Variants in CLEC2A observed in about 807,000 individuals in gnomAD.
CLEC2A encodes the protein keratinocyte-associated C-type lectin.
A neutral mutation model predicts 18.6 loss-of-function variants in CLEC2A; 19 were observed. The ratio of observed to expected loss-of-function variants is 1.02; its 90% CI spans 0.71 to 1.50. The LOEUF (loss-of-function observed/expected upper bound fraction) is 1.50. CLEC2A is among the 40% of genes most tolerant of loss of function. The probability of loss-of-function intolerance (pLI) is 0.00; values close to 1 mark genes in which losing one functional copy is unlikely to be tolerated. For missense variants in CLEC2A, 190 were observed against 207.9 expected (o/e 0.91, Z 0.53); for synonymous variants, 74 against 64.0 (o/e 1.16, Z -0.75).
At chr12:9,886,086 A>G in the CLEC2A span, among the ~76,000 whole-genome samples, 1 of 152,188 alleles carries the variant, frequency 6.6e-6, no homozygotes, top group African/African-American at 2.4e-5. Flanking sequence ...TGCAATAATT[A>G]TTCTTTTAAA....
downstream of CLEC2A, among the ~76,000 whole-genome samples, chr12:9,908,410 T>C (rs1199309268): frequency 6.6e-6 from 1 of 152,248 alleles, no homozygotes; most frequent in African/African-American, 2.4e-5. Flanking sequence ...TTATACTGAC[T>C]TCTGTTTCTT....
At chr12:9,911,023 G>A (rs574923510), downstream of CLEC2A, among the ~76,000 whole-genome samples, 2 of 152,328 alleles carry the variant, frequency 1.3e-5, no homozygotes, top group East Asian at 3.9e-4. Flanking sequence ...CAGCCATGCA[G>A]CACACTGAAC....
At chr12:9,912,886 AC>A (rs1863009293), downstream of CLEC2A, among the ~76,000 whole-genome samples, 2 of 152,160 alleles carry the variant, frequency 1.3e-5, no homozygotes, top group African/African-American at 4.8e-5. Flanking sequence ...TAATCAAGAT[AC>A]TTTTTTTTCT....
At chr12:9,902,777 C>T (rs1484766004) in intron 4 of CLEC2A, among the ~76,000 whole-genome samples, 1 of 152,156 alleles carries the variant, frequency 6.6e-6, no homozygotes, top group African/African-American at 2.4e-5. Flanking sequence ...CGCAAGAGCA[C>T]ACTGAACAAA....
chr12:9,909,984 C>T (rs1862960251), downstream of CLEC2A, among the ~76,000 whole-genome samples: 1 of 152,066 alleles, frequency 6.6e-6, no homozygotes, highest in South Asian at 2.1e-4. Flanking sequence ...AGCTTGCTCC[C>T]TCTGATTTTT....
chr12:9,931,893 T>A (rs916661997), intron 1 of CLEC2A, among the ~76,000 whole-genome samples: 1 of 152,274 alleles, frequency 6.6e-6, no homozygotes, highest in Non-Finnish European at 1.5e-5. Flanking sequence ...CTTAAAATTT[T>A]TGAAAAGTTC....
downstream of CLEC2A, among the ~76,000 whole-genome samples, chr12:9,897,984 T>C (rs970848701): frequency 3.9e-5 from 6 of 152,220 alleles, no homozygotes; most frequent in African/African-American, 1.4e-4. Flanking sequence ...GTGTTCTCAA[T>C]TTTCATTAAA....
chr12:9,921,463 T>A (rs977998728), intron 3 of CLEC2A, among the ~76,000 whole-genome samples: 1 of 152,140 alleles, frequency 6.6e-6, no homozygotes, highest in African/African-American at 2.4e-5. Context: ...GGTCTGCACC[T>A]GTAGTCCCAG....
rs1242170709 is a variant in CLEC2A, at chr12:9,899,805, T to C, written c.411-829A>G. Among the ~76,000 whole-genome samples, 3 of 152,196 alleles carry C rather than the reference T, an allele frequency of 2.0e-5. No individual in the cohort carries two copies. In the East Asian group the frequency reaches 5.8e-4, roughly 29 times the overall value. On this transcript the variant is annotated intron_variant, in intron 4 of 4. Transcript: ENST00000339766. ...TGAACCAGGAAGCTTGGGGTTGCCT[T>C]AATCAGCAGGAACCAGCCACACTCA... is the stretch of plus-strand genomic sequence containing the variant.
chr12:9,882,546 G>T, the CLEC2A span, among the ~76,000 whole-genome samples: 4 of 152,182 alleles, frequency 2.6e-5, no homozygotes, highest in Non-Finnish European at 5.9e-5. Flanking sequence ...GGGATGCAGA[G>T]GTGGGCGGGT....
rs935428214 is a variant in CLEC2A at position 9,926,123 on chromosome 12, T to C, written c.139+137A>G. On this transcript the variant is annotated intron_variant, in intron 2 of 4. Coordinates refer to ENST00000455827, the MANE Select transcript of CLEC2A (RefSeq NM_001130711.2). The stretch of plus-strand genomic sequence containing the variant: ...AGGATTATGGTAAAAACTGTTGAAC[T>C]GGTAAAAATTTGAGGACAAGTGTCT... 7.7e-6 allele frequency: 4 copies of C among 521,152 alleles called. No homozygotes were observed. In the African/African-American group the frequency reaches 7.9e-5, roughly 10 times the overall value. 32.3% of individuals were successfully genotyped at this position (521,152 alleles called of 1,614,324 possible).
chr12:9,906,448 C>A (rs1862909348), intron 4 of CLEC2A, among the ~76,000 whole-genome samples: 1 of 152,154 alleles, frequency 6.6e-6, no homozygotes, highest in South Asian at 2.1e-4. Context: ...CTTTGGGTAA[C>A]TGGAGAGTAT....
chr12:9,908,992 T>G (rs1862943799), downstream of CLEC2A, among the ~76,000 whole-genome samples: 2 of 152,222 alleles, frequency 1.3e-5, no homozygotes, highest in South Asian at 4.1e-4. Flanking sequence ...CCTTTTGAGT[T>G]TCTCTGAGAA....
chr12:9,881,907 T>C, the CLEC2A span, among the ~76,000 whole-genome samples: 83 of 152,254 alleles, frequency 5.5e-4, no homozygotes, highest in African/African-American at 1.6e-3. Flanking sequence ...TGTTGTAGCA[T>C]AAGAACATCA....
Position 9,922,311 on chromosome 12 carries a change from C to CT in CLEC2A, c.140-80dup. The CT allele has an allele frequency of 2.4e-6, 3 of 1,274,140 alleles. No individual in the cohort carries two copies. In the Middle Eastern group the frequency reaches 6.2e-4, roughly 263 times the overall value. 78.9% of individuals were successfully genotyped at this position (1,274,140 alleles called of 1,614,324 possible). A position where few individuals can be genotyped will look rare whatever the true frequency, so the allele number is the denominator to read the frequency against. ...TACTCATTCAGGTGTATTAATTTTA[C>CT]TTTTTGCTTCCACAGTTTGAGGCCC... On this transcript the variant is annotated intron_variant, in intron 2 of 4. Transcript: ENST00000455827.
chr12:9,910,362 CT>C, downstream of CLEC2A, among the ~76,000 whole-genome samples: 1 of 152,210 alleles, frequency 6.6e-6, no homozygotes, highest in South Asian at 2.1e-4. Flanking sequence ...CTGGAGCAGG[CT>C]TTTTCCCTGG....
At chr12:9,912,300 G>T (rs964463676), downstream of CLEC2A, among the ~76,000 whole-genome samples, 2 of 152,076 alleles carry the variant, frequency 1.3e-5, no homozygotes, top group Non-Finnish European at 2.9e-5. Context: ...GGCTCTGCAG[G>T]ACCCTTAGGC....
intron 1 of CLEC2A, among the ~76,000 whole-genome samples, chr12:9,931,347 C>T (rs140945997): frequency 9.2e-5 from 14 of 152,142 alleles, no homozygotes; most frequent in Middle Eastern, 3.4e-3. Flanking sequence ...GTAACTATGA[C>T]CAATAGTTAG....
At chr12:9,886,920 G>A in the CLEC2A span, among the ~76,000 whole-genome samples, 1 of 152,056 alleles carries the variant, frequency 6.6e-6, no homozygotes, top group Non-Finnish European at 1.5e-5. Flanking sequence ...GTAGTGTGTA[G>A]GTCTACTACA....
Sources: allele counts gnomAD v4.1 joint callset (sites outside exome capture counted in the v4.1 genomes callset), GRCh38; gene constraint gnomAD v4.1.1; transcripts MANE v1.5; gene names NCBI Gene and HGNC (gene_info 2026-07-23, HGNC 2026-07-21).